The following FUBP3 variants were observed in gnomAD, a reference collection of about 807,000 sequenced individuals.
FUBP3 encodes far upstream element binding protein 3.
Under a neutral mutation model 85.6 loss-of-function variants are expected in FUBP3, and 28 were observed. The ratio of observed to expected loss-of-function variants is 0.33; its 90% CI spans 0.24 to 0.45. The LOEUF is 0.45. Among genes scored for constraint, FUBP3 ranks in the 20% least tolerant of loss-of-function variants. The pLI, the probability that FUBP3 is intolerant of heterozygous loss-of-function variation, is 1.00. For synonymous variants in FUBP3, 271 were observed against 271.4 expected, an observed-to-expected ratio of 1.00 and a Z score of 0.01; for missense variants, 583 against 755.1, an observed-to-expected ratio of 0.77 and a Z score of 2.67.
chr9:130,595,267 G>C (rs376811836), intron 1 of FUBP3, among the ~76,000 whole-genome samples: 23 of 149,856 alleles, frequency 1.5e-4, no homozygotes, highest in Admixed American at 5.3e-4. Context: ...TTCTGGTAGA[G>C]ACACATTTTT....
At chr9:130,581,116 T>C (rs946990936) in intron 1 of FUBP3, 1 of 152,248 alleles carries the variant, frequency 6.6e-6, no homozygotes, top group African/African-American at 2.4e-5. Context: ...CTTGTTGGCC[T>C]TCTATGTCCG....
chr9:130,631,955 A>G lies in FUBP3; in HGVS notation c.1366A>G (p.Arg456Gly), dbSNP rs776200713. ...APPHQNTFPPRSSGCFPNMAA... is the reference protein window; with the variant it reads ...APPHQNTFPPGSSGCFPNMAA... ...ACCTTTTCCCAGTACCTTTCCTCCA[A>G]GGAGCTCCGGGTGCTTCCCAAACAT... Residue 456 changes from arginine to glycine, a missense_variant, in exon 15 of 19, where the codon AGG becomes GGG. Arg to Gly is a moderately radical substitution (Grantham distance 125). Coordinates refer to ENST00000319725, the MANE Select transcript of FUBP3 (RefSeq NM_003934.2). The G allele has an allele frequency of 1.9e-6, 3 of 1,612,572 alleles. No individual in the cohort carries two copies. The highest frequency in any genetic ancestry group is 1.3e-5 in the African/African-American group (1 of 74,910).
At chr9:130,630,001 C>G (rs1200361045) in intron 12 of FUBP3, among the ~76,000 whole-genome samples, 4 of 152,204 alleles carry the variant, frequency 2.6e-5, no homozygotes, top group African/African-American at 9.7e-5. Flanking sequence ...TTTTGTTAGC[C>G]CGGCTCCACC....
intron 2 of FUBP3, among the ~76,000 whole-genome samples, chr9:130,600,456 A>G (rs1006280411): frequency 6.6e-6 from 1 of 152,144 alleles, no homozygotes; most frequent in African/African-American, 2.4e-5. Flanking sequence ...AGTGATTTAG[A>G]AGTGCGAATT....
At chr9:130,622,945 A>T (rs957651784) in intron 10 of FUBP3, 135 bp downstream of exon 10, 1 of 445,194 alleles carries the variant, frequency 2.2e-6, no homozygotes. Context: ...CATCCTTGCA[A>T]CATCCTGCTA....
chr9:130,599,405 T>G (rs1008095223), intron 2 of FUBP3, among the ~76,000 whole-genome samples: 2 of 151,632 alleles, frequency 1.3e-5, no homozygotes, highest in Non-Finnish European at 2.9e-5. Context: ...ATATGTAAAG[T>G]TTTTTTTAAT....
chr9:130,630,572 C>G, intron 12 of FUBP3, 56 bp from the exon 13 acceptor site: 1 of 1,441,992 alleles, frequency 6.9e-7, no homozygotes. Flanking sequence ...GCCCCAGAGC[C>G]TCAGGAGTTG....
chr9:130,605,157 A>G (rs1030659427), intron 2 of FUBP3, among the ~76,000 whole-genome samples: 1 of 152,210 alleles, frequency 6.6e-6, no homozygotes. Context: ...ATACTATCAT[A>G]GAATTCTTTT....
At chr9:130,632,446 C>T (rs1830252639) in intron 16 of FUBP3, among the ~76,000 whole-genome samples, 168 bp downstream of exon 16, 2 of 152,238 alleles carry the variant, frequency 1.3e-5, no homozygotes, top group African/African-American at 2.4e-5. Flanking sequence ...AGGCCTGTAC[C>T]AGGGGTTGTG....
At chr9:130,634,503 C>G (rs569799809) in intron 16 of FUBP3, 164 bp from the exon 17 acceptor site, 1 of 602,940 alleles carries the variant, frequency 1.7e-6, no homozygotes, top group African/African-American at 1.9e-5. Context: ...TACACCCCTT[C>G]CCCCAGCCCT....
intron 2 of FUBP3, among the ~76,000 whole-genome samples, chr9:130,597,664 G>C (rs1830937644): frequency 6.7e-6 from 1 of 149,266 alleles, no homozygotes; most frequent in South Asian, 2.1e-4. Flanking sequence ...ACAAAAAGGG[G>C]CTGTGGCAGT....
intron 12 of FUBP3, among the ~76,000 whole-genome samples, chr9:130,627,577 C>G (rs1830027829): frequency 6.6e-6 from 1 of 152,206 alleles, no homozygotes; most frequent in Non-Finnish European, 1.5e-5. Flanking sequence ...TGCAAGAAAC[C>G]GTGTTGTCTT....
chr9:130,615,227 GT>G (rs1831941917), intron 6 of FUBP3, among the ~76,000 whole-genome samples: 1 of 152,146 alleles, frequency 6.6e-6, no homozygotes, highest in South Asian at 2.1e-4. Flanking sequence ...TCCAACACAG[GT>G]TAATCTAGTA....
intron 9 of FUBP3, 149 bp from the exon 10 acceptor site, chr9:130,622,559 A>T (rs2119098812): frequency 2.4e-6 from 1 of 412,826 alleles, no homozygotes; most frequent in Admixed American, 4.4e-5. Context: ...GGAACCCGGG[A>T]GGCAGAGGCT....
chr9:130,600,862 G>A (rs1319329468), intron 2 of FUBP3, among the ~76,000 whole-genome samples: 7 of 152,024 alleles, frequency 4.6e-5, no homozygotes, highest in Non-Finnish European at 1.5e-5. Flanking sequence ...TGCAGCCCCA[G>A]CTACTCAGGA....
At chr9:130,621,426 A>T (rs892621325) in intron 9 of FUBP3, among the ~76,000 whole-genome samples, 12 of 152,326 alleles carry the variant, frequency 7.9e-5, no homozygotes, top group African/African-American at 2.9e-4. Context: ...CAGGAGATCG[A>T]GGCTGTAGTG....
At chr9:130,602,743 G>T (rs1831217646) in intron 2 of FUBP3, among the ~76,000 whole-genome samples, 1 of 152,120 alleles carries the variant, frequency 6.6e-6, no homozygotes, top group Non-Finnish European at 1.5e-5. Flanking sequence ...AAGTGAGGCT[G>T]GGATGTGGTT....
intron 1 of FUBP3, 78 bp downstream of exon 1, chr9:130,579,842 G>C (rs926357357): frequency 1.4e-5 from 13 of 907,940 alleles, no homozygotes; most frequent in African/African-American, 6.9e-5. Flanking sequence ...GTTCGGGCCT[G>C]GGGGGCGGGA....
chr9:130,595,208 A>G (rs1475197934), intron 1 of FUBP3, among the ~76,000 whole-genome samples: 2 of 146,208 alleles, frequency 1.4e-5, no homozygotes, highest in Non-Finnish European at 3.0e-5. Flanking sequence ...CCTGGGCAAC[A>G]AGAGCGAAAC....
Sources: gnomAD v4.1 joint callset for allele counts (sites outside exome capture counted in the v4.1 genomes callset) on GRCh38, gnomAD v4.1.1 for gene constraint, MANE v1.5 for transcripts, NCBI Gene and HGNC (gene_info 2026-07-23, HGNC 2026-07-21) for gene names.